The following FBXO42 variants were observed in gnomAD, a reference collection of about 807,000 sequenced individuals.
FBXO42 encodes the protein F-box protein 42, also known as F-box only protein 42.
In FBXO42, 12 loss-of-function variants were observed where a neutral mutation model predicts 71.7. The observed-to-expected ratio is 0.17, with a 90% CI of 0.11 to 0.27. The LOEUF (loss-of-function observed/expected upper bound fraction) is 0.27. Ranked by LOEUF, FBXO42 falls within the 10% of genes least tolerant of loss-of-function variation. FBXO42 has a pLI of 1.00. For missense variants in FBXO42, 707 were observed against 911.9 expected (o/e 0.78, Z 2.89); for synonymous variants, 325 against 327.5 (o/e 0.99, Z 0.08).
Position 16,315,376 on chromosome 1 carries a change from C to T in FBXO42, c.43G>A (p.Val15Met), listed in dbSNP as rs748604831. 4 of 1,614,212 alleles carry T rather than the reference C, an allele frequency of 2.5e-6. No individual in the cohort carries two copies. Among genetic ancestry groups the T allele is most frequent in the Non-Finnish European group, 3.4e-6 (4 of 1,180,042 alleles). Residue 15 changes from valine to methionine, a missense_variant, in exon 2 of 10, where the codon GTG (valine) becomes ATG (methionine). Around this residue, in one of 5 missense-constraint regions of FBXO42, gnomAD observed 188 missense variants for 230.5 expected, o/e 0.82. Coordinates refer to ENST00000375592, the MANE Select transcript of FBXO42 (RefSeq NM_018994.3). ...SDSEDDSFMA[V>M]DQEETVLEGT... ...TCCAGCACAGTTTCTTCCTGGTCCA[C>T]AGCCATGAAACTGTCATCTTCACTG... is the stretch of plus-strand genomic sequence containing the variant.
chr1:16,276,386 AAAAAAAAAAAG>A (rs1439349169), intron 4 of FBXO42, among the ~76,000 whole-genome samples: 1 of 151,590 alleles, frequency 6.6e-6, no homozygotes, highest in African/African-American at 2.4e-5. Context: ...TCTCAAAAAA[AAAAAAAAAAAG>A]AAAAGAAAAG....
At chr1:16,313,321 AAAC>A (rs1163458401) in intron 2 of FBXO42, among the ~76,000 whole-genome samples, 1 of 109,188 alleles carries the variant, frequency 9.2e-6, no homozygotes, top group African/African-American at 3.5e-5. Context: ...AGAGAAAAGA[AAAC>A]AAAGAAAGAA....
intron 4 of FBXO42, among the ~76,000 whole-genome samples, chr1:16,268,612 A>C (rs1432562461): frequency 6.6e-6 from 1 of 152,106 alleles, no homozygotes; most frequent in Admixed American, 6.5e-5. Flanking sequence ...ATAATAACTT[A>C]AAATATTCCC....
At chr1:16,310,806 C>T (rs1375231675) in intron 2 of FBXO42, among the ~76,000 whole-genome samples, 1 of 151,706 alleles carries the variant, frequency 6.6e-6, no homozygotes, top group Non-Finnish European at 1.5e-5. Flanking sequence ...TGGTGGATCA[C>T]TTGACATCAG....
chr1:16,346,174 G>A lies in FBXO42; in HGVS notation c.-18+6081C>T, dbSNP rs535297486. Among the ~76,000 whole-genome samples, 28 of 152,202 alleles carry A rather than the reference G, an allele frequency of 1.8e-4. No homozygotes were observed. The South Asian group carries it at 4.4e-3, about 24-fold the overall frequency. ...GGTGACCACTTCACCAATTCTTTACGAAGAAATTTATAATGAAAAGCAAAA... is the reference window on the plus strand; with the variant it reads ...GGTGACCACTTCACCAATTCTTTACAAAGAAATTTATAATGAAAAGCAAAA... On this transcript the variant is annotated intron_variant, in intron 1 of 9. Coordinates refer to ENST00000375592, the MANE Select transcript of FBXO42 (RefSeq NM_018994.3).
chr1:16,252,614 T>C lies in FBXO42; in HGVS notation c.922-210A>G, dbSNP rs1397082215. 2.6e-5 allele frequency among the ~76,000 whole-genome samples: 4 copies of C among 152,216 alleles called. No individual in the cohort carries two copies. Among genetic ancestry groups the C allele is most frequent in the African/African-American group, 9.7e-5 (4 of 41,450 alleles). ...CATATATTACCACTGGCTTAGCACATGGAATTGTGCTTGTGACCCATGAAT... is the reference window on the plus strand; with the variant it reads ...CATATATTACCACTGGCTTAGCACACGGAATTGTGCTTGTGACCCATGAAT... On this transcript the variant is annotated intron_variant, in intron 8 of 9. Coordinates refer to ENST00000375592, the MANE Select transcript of FBXO42 (RefSeq NM_018994.3). This position sits in a 1 kb window ranked among gnomAD's most constrained non-coding sequence, Gnocchi z 4.4.
At chr1:16,332,890 T>A (rs770095185) in intron 1 of FBXO42, among the ~76,000 whole-genome samples, 2 of 152,206 alleles carry the variant, frequency 1.3e-5, no homozygotes, top group Non-Finnish European at 2.9e-5. Flanking sequence ...CAGGCAATAG[T>A]GACCAAAGCA....
intron 4 of FBXO42, among the ~76,000 whole-genome samples, chr1:16,272,549 G>A (rs577117531): frequency 1.3e-5 from 2 of 152,050 alleles, no homozygotes; most frequent in Admixed American, 1.3e-4. Context: ...GTGAGCCACC[G>A]TGCCCGGTGG....
At chr1:16,311,822 G>A (rs1467915333) in intron 2 of FBXO42, among the ~76,000 whole-genome samples, 1 of 151,968 alleles carries the variant, frequency 6.6e-6, no homozygotes, top group Non-Finnish European at 1.5e-5. Context: ...CAAAACTAAC[G>A]ATGCTCTTAC....
Position 16,249,752 on chromosome 1 carries a change from TCAGA to T in FBXO42, c.*914_*917del, listed in dbSNP as rs1168375894. On this transcript the variant is annotated 3_prime_UTR_variant, in exon 10 of 10. Coordinates refer to ENST00000375592, the MANE Select transcript of FBXO42 (RefSeq NM_018994.3). The stretch of plus-strand genomic sequence containing the variant: ...TGAGCTTTGTAAAAGAAACAGAAAG[TCAGA>T]CAGGTTTTAGGACTTCACCACATAT... 1 of 147,382 alleles carries T rather than the reference TCAGA, an allele frequency of 6.8e-6. No homozygotes were observed. Among genetic ancestry groups the T allele is most frequent in the East Asian group, 2.0e-4 (1 of 5,100 alleles). The allele number at this position is 147,382 out of a possible 1,614,324, so 9.1% of individuals were successfully genotyped here. A position where few individuals can be genotyped will look rare whatever the true frequency, so the allele number is the denominator to read the frequency against.
At chr1:16,333,952 G>C (rs533747787) in intron 1 of FBXO42, among the ~76,000 whole-genome samples, 1 of 152,244 alleles carries the variant, frequency 6.6e-6, no homozygotes, top group Non-Finnish European at 1.5e-5. Context: ...AATTGATTTT[G>C]CATACTGTAT....
chr1:16,257,997 T>A (rs1445523295), intron 4 of FBXO42, among the ~76,000 whole-genome samples: 1 of 151,718 alleles, frequency 6.6e-6, no homozygotes. Context: ...ACTTTTTTTT[T>A]TAAAATCTTT....
At chr1:16,255,953 G>T in intron 5 of FBXO42, 132 bp from the exon 6 acceptor site, 1 of 656,006 alleles carries the variant, frequency 1.5e-6, no homozygotes, top group Non-Finnish European at 2.6e-6. Flanking sequence ...ATAAGTAGAG[G>T]ATGGCATAAT....
At chr1:16,271,891 C>T (rs2081849555) in intron 4 of FBXO42, among the ~76,000 whole-genome samples, 1 of 151,452 alleles carries the variant, frequency 6.6e-6, no homozygotes, top group African/African-American at 2.4e-5. Context: ...GTAATCTCAG[C>T]CCTCTGGGAG....
chr1:16,267,855 T>G (rs1388131835), intron 4 of FBXO42, among the ~76,000 whole-genome samples: 2 of 152,218 alleles, frequency 1.3e-5, no homozygotes, highest in Non-Finnish European at 2.9e-5. Flanking sequence ...GTAATGGGCA[T>G]GAGAAACTTT....
Position 16,251,667 on chromosome 1 carries a change from G to A in FBXO42, c.1157C>T (p.Thr386Ile). Reference sequence around the variant, plus strand: ...TGGAGACTGAGAGCGGTACTCTCGGGTTTCAGGAACGAGAGCTGGAGGAGT... The same window carrying A: ...TGGAGACTGAGAGCGGTACTCTCGGATTTCAGGAACGAGAGCTGGAGGAGT... ...SATPPALVPETREYRSQSPVR... is the reference protein window; with the variant it reads ...SATPPALVPEIREYRSQSPVR... Residue 386 changes from threonine to isoleucine, a missense_variant, in exon 10 of 10, where the codon ACC (threonine) becomes ATC (isoleucine). Around this residue, in one of 5 missense-constraint regions of FBXO42, gnomAD observed 482 missense variants for 587.1 expected, o/e 0.82. Coordinates refer to ENST00000375592, the MANE Select transcript of FBXO42 (RefSeq NM_018994.3). This position sits in a 1 kb window ranked among gnomAD's most constrained non-coding sequence, Gnocchi z 4.5. 1.2e-6 allele frequency: 2 copies of A among 1,614,198 alleles called. No homozygotes were observed. Among genetic ancestry groups the A allele is most frequent in the South Asian group, 1.1e-5 (1 of 91,070 alleles).
At chr1:16,300,954 A>G (rs1239501222) in intron 3 of FBXO42, among the ~76,000 whole-genome samples, 3 of 133,208 alleles carry the variant, frequency 2.3e-5, no homozygotes, top group African/African-American at 5.9e-5. Flanking sequence ...GCTAGAGTGC[A>G]GTGGCATAAT....
intron 1 of FBXO42, among the ~76,000 whole-genome samples, chr1:16,316,424 T>A (rs1342503564): frequency 6.6e-6 from 1 of 151,958 alleles, no homozygotes; most frequent in African/African-American, 2.4e-5. Context: ...TAATAGTGGT[T>A]ATTTCCACTT....
intron 4 of FBXO42, among the ~76,000 whole-genome samples, chr1:16,262,088 A>T (rs370115804): frequency 1.3e-5 from 2 of 152,272 alleles, no homozygotes; most frequent in Admixed American, 6.5e-5. Context: ...GATACTTTTA[A>T]ATTATTGCTA....
Sources: gnomAD v4.1 joint callset for allele counts (sites outside exome capture counted in the v4.1 genomes callset) on GRCh38, gnomAD v4.1.1 for gene constraint, gnomAD v4.1.1 regional missense constraint, Gnocchi (gnomAD v3.1) non-coding constraint, MANE v1.5 for transcripts, NCBI Gene and HGNC (gene_info 2026-07-23, HGNC 2026-07-21) for gene names.